The following TRIM44 variants were observed in gnomAD, a reference collection of about 807,000 sequenced individuals.
TRIM44 encodes tripartite motif containing 44, also known as tripartite motif-containing protein 44.
A neutral mutation model predicts 37.4 loss-of-function variants in TRIM44; 13 were observed. The observed-to-expected ratio is 0.35, with a 90% CI of 0.23 to 0.55. The LOEUF (loss-of-function observed/expected upper bound fraction) is 0.55. Among genes scored for constraint, TRIM44 ranks in the 20% least tolerant of loss-of-function variants. The pLI is 0.89. For missense variants in TRIM44, 426 were observed against 437.2 expected (o/e 0.97, Z 0.23); for synonymous variants, 175 against 157.2 (o/e 1.11, Z -0.85).
chr11:35,724,833 G>A (rs1029196266), intron 2 of TRIM44, among the ~76,000 whole-genome samples: 6 of 152,140 alleles, frequency 3.9e-5, no homozygotes, highest in Non-Finnish European at 5.9e-5. Context: ...TGTTGTTGTA[G>A]GAATGTAATC....
At chr11:35,761,701 G>A (rs905336224) in intron 4 of TRIM44, among the ~76,000 whole-genome samples, 1 of 152,164 alleles carries the variant, frequency 6.6e-6, no homozygotes, top group Non-Finnish European at 1.5e-5. Flanking sequence ...GCTAGTAAAT[G>A]GTAGACTAGT....
At chr11:35,679,218 T>G (rs957072796) in intron 1 of TRIM44, among the ~76,000 whole-genome samples, 1 of 152,222 alleles carries the variant, frequency 6.6e-6, no homozygotes, top group African/African-American at 2.4e-5. Flanking sequence ...TTATTGGCAT[T>G]AGACTAGACT....
At chr11:35,804,538 T>A (rs148008808) in intron 4 of TRIM44, among the ~76,000 whole-genome samples, 1 of 152,338 alleles carries the variant, frequency 6.6e-6, no homozygotes, top group African/African-American at 2.4e-5. Flanking sequence ...GTCACCATGC[T>A]GCCCTCATAT....
chr11:35,754,165 T>C (rs1852594552), intron 4 of TRIM44, among the ~76,000 whole-genome samples: 2 of 152,198 alleles, frequency 1.3e-5, no homozygotes, highest in Admixed American at 1.3e-4. Context: ...AGGTAATCTT[T>C]CTTTCTTTAG....
chr11:35,706,538 G>C (rs1396646141), intron 2 of TRIM44, among the ~76,000 whole-genome samples: 5 of 152,170 alleles, frequency 3.3e-5, no homozygotes, highest in African/African-American at 9.7e-5. Flanking sequence ...ACCGAATCCA[G>C]CAGCACATCA....
At chr11:35,719,239 C>T (rs1176551171) in intron 2 of TRIM44, among the ~76,000 whole-genome samples, 2 of 152,086 alleles carry the variant, frequency 1.3e-5, no homozygotes, top group African/African-American at 4.8e-5. Context: ...TCTTTGCCAG[C>T]ATTTGATCTT....
In TRIM44 at chr11:35,697,988, C is replaced by G. The variant is rs564090717; in HGVS notation, c.747+12652C>G. On this transcript the variant is annotated intron_variant, in intron 2 of 4. Transcript: ENST00000299413. ...ATACCCAGTAATGGGATGGCTGGGT[C>G]AAATGGTATTTCTAGTTCTAGATCC... is the stretch of plus-strand genomic sequence containing the variant. 1.8e-3 allele frequency among the ~76,000 whole-genome samples: 267 copies of G among 150,976 alleles called. 1 individual carries two copies. Among genetic ancestry groups the G allele is most frequent in the Middle Eastern group, 6.9e-3 (2 of 290 alleles).
At chr11:35,794,163 A>G (rs548298874) in intron 4 of TRIM44, among the ~76,000 whole-genome samples, 1 of 152,284 alleles carries the variant, frequency 6.6e-6, no homozygotes, top group East Asian at 1.9e-4. Flanking sequence ...TTCTGGATCC[A>G]TGCCTCAGCT....
chr11:35,768,574 C>G lies in TRIM44; in HGVS notation c.1007+33129C>G, dbSNP rs539148284. ...GGATCCCTGAAGATAGAAATGAATT[C>G]TATGTGCCATTTTCATTATTTCAAA... On this transcript the variant is annotated intron_variant, in intron 4 of 4. Coordinates refer to ENST00000299413, the MANE Select transcript of TRIM44 (RefSeq NM_017583.6). 2.2e-4 allele frequency among the ~76,000 whole-genome samples: 34 copies of G among 152,242 alleles called. No homozygotes were observed. In the South Asian group the frequency reaches 6.8e-3, roughly 31 times the overall value.
intron 3 of TRIM44, among the ~76,000 whole-genome samples, chr11:35,729,652 C>T (rs575185284): frequency 6.6e-6 from 1 of 152,280 alleles, no homozygotes; most frequent in South Asian, 2.1e-4. Flanking sequence ...GAATGGAGTC[C>T]TGTCATTTGA....
chr11:35,682,858 C>T (rs1476330158), intron 1 of TRIM44, among the ~76,000 whole-genome samples: 1 of 152,100 alleles, frequency 6.6e-6, no homozygotes, highest in Non-Finnish European at 1.5e-5. Context: ...CCTTCGTTGT[C>T]GTTTTATTCT....
chr11:35,704,008 T>C (rs1378156376), intron 2 of TRIM44, among the ~76,000 whole-genome samples: 6 of 152,084 alleles, frequency 3.9e-5, no homozygotes, highest in African/African-American at 1.2e-4. Context: ...GTTGAAAACT[T>C]TGAAAAAAAT....
At chr11:35,779,183 A>C (rs896020290) in intron 4 of TRIM44, among the ~76,000 whole-genome samples, 2 of 151,928 alleles carry the variant, frequency 1.3e-5, no homozygotes, top group Non-Finnish European at 2.9e-5. Flanking sequence ...TTGCAATTCG[A>C]TCTCTGACTG....
At chr11:35,764,519 C>G (rs1852767833) in intron 4 of TRIM44, among the ~76,000 whole-genome samples, 1 of 152,242 alleles carries the variant, frequency 6.6e-6, no homozygotes, top group East Asian at 1.9e-4. Flanking sequence ...AAAGTAGTAC[C>G]TTGATCACAG....
chr11:35,784,155 C>G (rs891014222), intron 4 of TRIM44, among the ~76,000 whole-genome samples: 2 of 152,136 alleles, frequency 1.3e-5, no homozygotes, highest in Non-Finnish European at 2.9e-5. Context: ...TGGATAAGGG[C>G]AGGAGTACTC....
intron 3 of TRIM44, among the ~76,000 whole-genome samples, chr11:35,735,224 C>T (rs1852313739): frequency 1.3e-5 from 2 of 152,160 alleles, no homozygotes; most frequent in Non-Finnish European, 2.9e-5. Context: ...GGCAAATTAT[C>T]AGGTCATCTC....
At chr11:35,780,515 A>C (rs1294135412) in intron 4 of TRIM44, among the ~76,000 whole-genome samples, 3 of 152,230 alleles carry the variant, frequency 2.0e-5, no homozygotes. Flanking sequence ...TAGAGCCTTA[A>C]GGACAGGCAG....
At chr11:35,782,015 G>C (rs906283061) in intron 4 of TRIM44, among the ~76,000 whole-genome samples, 8 of 152,190 alleles carry the variant, frequency 5.3e-5, no homozygotes, top group Non-Finnish European at 1.0e-4. Context: ...TATCTACTGT[G>C]TACCAGGTGC....
chr11:35,759,889 GGT>G (rs1852698780), intron 4 of TRIM44, among the ~76,000 whole-genome samples: 1 of 152,168 alleles, frequency 6.6e-6, no homozygotes, highest in Non-Finnish European at 1.5e-5. Context: ...AGCCGTGTGA[GGT>G]GTCAGTCTGC....
Sources: gnomAD v4.1 joint callset for allele counts (sites outside exome capture counted in the v4.1 genomes callset) on GRCh38, gnomAD v4.1.1 for gene constraint, MANE v1.5 for transcripts, NCBI Gene and HGNC (gene_info 2026-07-23, HGNC 2026-07-21) for gene names.